Variants in DNM3 observed in about 807,000 individuals in gnomAD.
DNM3 encodes the protein dynamin-3.
DNM3 carries 47 observed loss-of-function variants against 101.6 expected under a neutral mutation model. The observed-to-expected ratio is 0.46, with a 90% confidence interval of 0.37 to 0.59. The LOEUF (loss-of-function observed/expected upper bound fraction) is 0.59, where lower values mean the gene tolerates loss of function less well. Among genes scored for constraint, DNM3 ranks in the 20% least tolerant of loss-of-function variants. The pLI is 0.00. For synonymous variants in DNM3, 385 were observed against 387.9 expected (o/e 0.99, Z 0.09); for missense variants, 849 against 1,085.7 (o/e 0.78, Z 3.06).
chr1:172,360,846 T>TA (rs2067704689), intron 17 of DNM3, among the ~76,000 whole-genome samples: 1 of 152,016 alleles, frequency 6.6e-6, no homozygotes. Context: ...CAGAGTGCAG[T>TA]AAGTTTAGGG....
chr1:172,381,746 A>G (rs1236661275), intron 18 of DNM3, among the ~76,000 whole-genome samples: 1 of 152,116 alleles, frequency 6.6e-6, no homozygotes, highest in African/African-American at 2.4e-5. Flanking sequence ...AACTAATAAT[A>G]AAATCACAAC....
In DNM3 at chr1:172,296,880, CG is replaced by C. The variant is rs533267759; in HGVS notation, c.1770-11847del. ...CATCTTGGCCGGGCACAGTGGCTCA[CG>C]CCTGTAATCCTAGCACTTTGGGAGG... On this transcript the variant is annotated intron_variant, in intron 15 of 20. Coordinates refer to ENST00000627582, the MANE Select transcript of DNM3 (RefSeq NM_015569.5). Among the ~76,000 whole-genome samples, 9 of 152,254 alleles carry C rather than the reference CG, an allele frequency of 5.9e-5. No individual in the cohort carries two copies. In the South Asian group the frequency reaches 1.9e-3, roughly 32 times the overall value.
chr1:171,958,017 C>G (rs2042974448), intron 2 of DNM3, among the ~76,000 whole-genome samples: 1 of 152,118 alleles, frequency 6.6e-6, no homozygotes, highest in South Asian at 2.1e-4. Flanking sequence ...TAAAGACATA[C>G]CCAAGGCTGG....
chr1:171,949,934 A>G (rs1198049429), intron 2 of DNM3, among the ~76,000 whole-genome samples: 1 of 152,196 alleles, frequency 6.6e-6, no homozygotes, highest in Non-Finnish European at 1.5e-5. Context: ...TACAGTATTT[A>G]CCCAAGAGAA....
At chr1:172,152,832 G>A (rs758059646) in intron 14 of DNM3, among the ~76,000 whole-genome samples, 14 of 152,008 alleles carry the variant, frequency 9.2e-5, no homozygotes, top group Non-Finnish European at 1.3e-4. Context: ...TGTTAAAAAC[G>A]GTTTTTAACC....
At chr1:172,176,348 G>A (rs902867303) in intron 14 of DNM3, among the ~76,000 whole-genome samples, 1 of 151,866 alleles carries the variant, frequency 6.6e-6, no homozygotes, top group Non-Finnish European at 1.5e-5. Flanking sequence ...GCTGGTCATA[G>A]GAATGCAGCT....
chr1:172,084,514 G>A (rs144187135), intron 12 of DNM3, among the ~76,000 whole-genome samples: 1 of 152,182 alleles, frequency 6.6e-6, no homozygotes, highest in East Asian at 1.9e-4. Flanking sequence ...ATGTCGACTT[G>A]GAATTGACAT....
chr1:172,287,544 T>G (rs1350108141), intron 15 of DNM3, among the ~76,000 whole-genome samples: 1 of 152,124 alleles, frequency 6.6e-6, no homozygotes, highest in African/African-American at 2.4e-5. Flanking sequence ...TACAAATTTT[T>G]AATTCTTATT....
intron 4 of DNM3, among the ~76,000 whole-genome samples, chr1:172,018,063 C>G (rs867433060): frequency 1.3e-5 from 2 of 152,186 alleles, no homozygotes; most frequent in Non-Finnish European, 1.5e-5. Context: ...CTTTCCTCAT[C>G]TATTTACTTT....
At chr1:172,066,096 GTTT>G (rs1240344683) in intron 10 of DNM3, among the ~76,000 whole-genome samples, 3 of 152,082 alleles carry the variant, frequency 2.0e-5, no homozygotes, top group African/African-American at 7.2e-5. Flanking sequence ...CTCCTTATGA[GTTT>G]GGAGAAATAT....
At chr1:171,847,977 G>A (rs1030442533) in intron 1 of DNM3, among the ~76,000 whole-genome samples, 6 of 150,384 alleles carry the variant, frequency 4.0e-5, no homozygotes, top group African/African-American at 1.2e-4. Flanking sequence ...TAGCAAGACT[G>A]GCATTTGATG....
At chr1:172,124,300 A>G (rs557484839) in intron 13 of DNM3, among the ~76,000 whole-genome samples, 36 of 152,256 alleles carry the variant, frequency 2.4e-4, no homozygotes, top group African/African-American at 7.9e-4. Flanking sequence ...CCATGCATTT[A>G]CCGTCAAGGG....
At chr1:172,072,023 A>G (rs2052237343) in intron 11 of DNM3, among the ~76,000 whole-genome samples, 1 of 152,132 alleles carries the variant, frequency 6.6e-6, no homozygotes, top group East Asian at 1.9e-4. Context: ...TTTTTCCTAT[A>G]CTACAGTCCA....
chr1:172,193,023 T>A (rs1333105315), intron 14 of DNM3, among the ~76,000 whole-genome samples: 1 of 151,652 alleles, frequency 6.6e-6, no homozygotes, highest in Non-Finnish European at 1.5e-5. Context: ...TTTCTCTACA[T>A]CCTCTCCAGC....
At chr1:172,033,332 T>A in intron 6 of DNM3, 67 bp downstream of exon 6, 1 of 1,447,368 alleles carries the variant, frequency 6.9e-7, no homozygotes, top group Non-Finnish European at 9.2e-7. Flanking sequence ...GAATTCATAT[T>A]TATTATTTTT....
chr1:172,054,907 C>T (rs1178967724), intron 10 of DNM3, among the ~76,000 whole-genome samples: 9 of 152,088 alleles, frequency 5.9e-5, no homozygotes, highest in Non-Finnish European at 1.0e-4. Flanking sequence ...TGCAGTGAGC[C>T]GAGATTGCAC....
At chr1:172,341,584 C>T (rs138126400) in intron 17 of DNM3, among the ~76,000 whole-genome samples, 5 of 152,278 alleles carry the variant, frequency 3.3e-5, no homozygotes, top group Admixed American at 6.5e-5. Context: ...TAATGCTGCA[C>T]ACCTTCAGCC....
intron 15 of DNM3, among the ~76,000 whole-genome samples, chr1:172,280,046 C>T (rs563736601): frequency 1.3e-5 from 2 of 152,188 alleles, no homozygotes; most frequent in South Asian, 2.1e-4. Flanking sequence ...TCTGAGTCTC[C>T]GCATTGTTCA....
chr1:172,417,328 G>A (rs1387505401), downstream of DNM3, among the ~76,000 whole-genome samples: 1 of 152,126 alleles, frequency 6.6e-6, no homozygotes, highest in African/African-American at 2.4e-5. Flanking sequence ...TTGGCCTGCT[G>A]TTTTCCTACT....
Sources: gnomAD v4.1 joint callset for allele counts (sites outside exome capture counted in the v4.1 genomes callset) on GRCh38, gnomAD v4.1.1 for gene constraint, MANE v1.5 for transcripts, NCBI Gene and HGNC (gene_info 2026-07-23, HGNC 2026-07-21) for gene names.